NUP214: variants seen among roughly 807,000 people sequenced by gnomAD.
NUP214 encodes the protein nucleoporin 214.
NUP214 carries 79 observed loss-of-function variants against 196.2 expected under a neutral mutation model. That is an observed-to-expected ratio of 0.40 (90% confidence interval 0.34 to 0.49). NUP214 has a LOEUF of 0.49. NUP214 is among the 20% of genes least tolerant of loss of function. The pLI, the probability that NUP214 is intolerant of heterozygous loss-of-function variation, is 0.58. For synonymous variants in NUP214, 1,020 were observed against 990.5 expected, an observed-to-expected ratio of 1.03 and a Z score of -0.56; for missense variants, 2,468 against 2,539.0, an observed-to-expected ratio of 0.97 and a Z score of 0.60.
chr9:131,139,498 T>C, intron 10 of NUP214, 91 bp downstream of exon 10: 1 of 1,545,908 alleles, frequency 6.5e-7, no homozygotes, highest in South Asian at 1.2e-5. Context: ...TGACAGAGTC[T>C]ACTCTGCTGG....
chr9:131,187,489 T>A, intron 25 of NUP214, 125 bp downstream of exon 25: 2 of 665,076 alleles, frequency 3.0e-6, no homozygotes, highest in Non-Finnish European at 5.1e-6. Flanking sequence ...TGGGTTCAAG[T>A]GATTCTCGTG....
intron 24 of NUP214, among the ~76,000 whole-genome samples, chr9:131,185,426 C>T (rs996525918): frequency 6.6e-6 from 1 of 152,186 alleles, no homozygotes; most frequent in African/African-American, 2.4e-5. Context: ...TAGACTCACT[C>T]AGTAAAGAGA....
intron 30 of NUP214, among the ~76,000 whole-genome samples, chr9:131,207,362 G>A (rs1242802468): frequency 6.6e-6 from 1 of 152,230 alleles, no homozygotes; most frequent in African/African-American, 2.4e-5. Context: ...GAAGACTGGA[G>A]GCAGGAGTCA....
At chr9:131,140,305 T>C (rs547014462) in intron 10 of NUP214, among the ~76,000 whole-genome samples, 1 of 152,158 alleles carries the variant, frequency 6.6e-6, no homozygotes, top group African/African-American at 2.4e-5. Context: ...TCAGAGCTAC[T>C]GCGGGACTGA....
chr9:131,213,941 G>A (rs1450410807), intron 30 of NUP214, among the ~76,000 whole-genome samples: 3 of 152,192 alleles, frequency 2.0e-5, no homozygotes, highest in Admixed American at 6.5e-5. Flanking sequence ...TCAGAGCAGT[G>A]GAAAAGGGAC....
At position 131,129,143 on chromosome 9, in the gene NUP214, A is replaced by G. The variant is rs556986175; in HGVS notation, c.394-136A>G. ...AGCAAATAGATTGATGCATAAAACAATCTTTTTTTATGGTTATGGAGAAAA... is the reference window on the plus strand; with the variant it reads ...AGCAAATAGATTGATGCATAAAACAGTCTTTTTTTATGGTTATGGAGAAAA... On this transcript the variant is annotated intron_variant, in intron 3 of 35. Coordinates refer to ENST00000359428, the MANE Select transcript of NUP214 (RefSeq NM_005085.4). 1.5e-5 allele frequency: 11 copies of G among 754,870 alleles called. No individual in the cohort carries two copies. The East Asian group carries it at 2.2e-4, about 15-fold the overall frequency. 46.8% of individuals were successfully genotyped at this position (754,870 alleles called of 1,614,324 possible).
In NUP214 at chr9:131,197,990, C is replaced by T; in HGVS notation, c.4496C>T (p.Ser1499Leu). 2 of 1,614,226 alleles carry T rather than the reference C, an allele frequency of 1.2e-6. No individual in the cohort carries two copies. The highest frequency in any genetic ancestry group is 1.7e-6 in the Non-Finnish European group (2 of 1,180,038). ...AGAAGCACAGAAGAGGCCACTTCAT[C>T]AGCTTTGCCTGAGAAGCCAGGTGAC... ...AGRSTEEATS[S>L]ALPEKPGDSE... The change falls in exon 29 of 36, where the codon TCA becomes TTA. Residue 1499 changes from serine to leucine, a missense_variant. Physicochemically the swap from Ser to Leu is moderately radical, Grantham distance 145. This residue lies in a region of NUP214 where 1,801 missense variants were observed against 1,779.4 expected (regional missense o/e 1.01). Coordinates refer to ENST00000359428, the MANE Select transcript of NUP214 (RefSeq NM_005085.4).
chr9:131,173,967 T>C, intron 21 of NUP214, 88 bp from the exon 22 acceptor site: 1 of 329,188 alleles, frequency 3.0e-6, no homozygotes, highest in Non-Finnish European at 4.5e-6. Flanking sequence ...AAGTTGAGTA[T>C]TTTTTTTTTT....
intron 29 of NUP214, 84 bp from the exon 30 acceptor site, chr9:131,201,563 C>CAAAAA: frequency 4.3e-6 from 4 of 926,616 alleles, no homozygotes; most frequent in African/African-American, 1.8e-5. Context: ...GACTCTGCCT[C>CAAAAA]AAAAAAAAAA....
intron 24 of NUP214, among the ~76,000 whole-genome samples, chr9:131,185,736 C>G (rs1833433722): frequency 6.6e-6 from 1 of 152,138 alleles, no homozygotes; most frequent in African/African-American, 2.4e-5. Flanking sequence ...AATTGGTTTA[C>G]TGGCTGATTG....
At chr9:131,127,817 A>G (rs41313871) in intron 2 of NUP214, 98 bp downstream of exon 2, 20,861 of 870,682 alleles carry the variant, frequency 0.024, 335 homozygotes, top group South Asian at 0.029. Flanking sequence ...TAAAATGAAC[A>G]CTGCTGTCAG....
At chr9:131,215,897 A>ATT (rs768564629) in intron 31 of NUP214, among the ~76,000 whole-genome samples, 1,616 of 123,616 alleles carry the variant, frequency 0.013, 23 homozygotes, top group Non-Finnish European at 0.02. Flanking sequence ...TCTTTAGCTA[A>ATT]TTTTTTTTTT....
At chr9:131,224,156 A>G (rs1834661174) in intron 32 of NUP214, among the ~76,000 whole-genome samples, 1 of 152,190 alleles carries the variant, frequency 6.6e-6, no homozygotes, top group Non-Finnish European at 1.5e-5. Flanking sequence ...CATTACTAGG[A>G]CTACTTTTTA....
At chr9:131,211,673 C>A (rs1834244111) in intron 30 of NUP214, among the ~76,000 whole-genome samples, 1 of 152,206 alleles carries the variant, frequency 6.6e-6, no homozygotes, top group Non-Finnish European at 1.5e-5. Context: ...TTACTACAAT[C>A]TCTGAACATA....
At position 131,150,679 on chromosome 9, in the gene NUP214, G is replaced by T. The variant is rs144321623; in HGVS notation, c.2191G>T (p.Val731Leu). 12 of 1,614,208 alleles carry T rather than the reference G, an allele frequency of 7.4e-6. No homozygotes were observed. The highest frequency in any genetic ancestry group is 1.0e-5 in the Non-Finnish European group (12 of 1,180,042). The change falls in exon 16 of 36, where the codon GTG (valine) becomes TTG (leucine). Residue 731 changes from valine (V) to leucine (L), a missense_variant. By Grantham distance (32) the Val-to-Leu change is conservative. Around this residue, in one of 5 missense-constraint regions of NUP214, gnomAD observed 1,801 missense variants for 1,779.4 expected, o/e 1.01. Transcript: ENST00000359428. Reference protein sequence around the residue: ...KARTSKACFQVGTSEEMKMLR... With the variant: ...KARTSKACFQLGTSEEMKMLR... ...CCGAACTTCCAAAGCCTGTTTCCAA[G>T]TGGGCACTTCTGAGGAGATGAAGAT...
intron 27 of NUP214, among the ~76,000 whole-genome samples, chr9:131,194,957 C>T (rs1833733337): frequency 6.6e-6 from 1 of 152,204 alleles, no homozygotes; most frequent in Non-Finnish European, 1.5e-5. Context: ...CAAGAAGTCC[C>T]CACTCAAACT....
At chr9:131,223,730 T>TATTTTTTTA (rs71372705) in intron 32 of NUP214, among the ~76,000 whole-genome samples, 1 of 14,424 alleles carries the variant, frequency 6.9e-5, no homozygotes, top group African/African-American at 1.6e-4. Flanking sequence ...TTTATTTATT[T>TATTTTTTTA]TTTTTTTTTT....
chr9:131,233,732 A>G lies in NUP214; in HGVS notation c.*245A>G, dbSNP rs1834941224. ...ACGTATGTGGGTTTTTTCAGATCAC[A>G]GCCAAGAAGATTGCCCCGTTTCTGT... On this transcript the variant is annotated 3_prime_UTR_variant, in exon 36 of 36. Transcript: ENST00000359428. The G allele has an allele frequency of 5.7e-6, 3 of 526,154 alleles. No homozygotes were observed. The highest frequency in any genetic ancestry group is 3.5e-6 in the Non-Finnish European group (1 of 282,214). The allele number at this position is 526,154 out of a possible 1,614,324, so 32.6% of individuals were successfully genotyped here. A position where few individuals can be genotyped will look rare whatever the true frequency, so the allele number is the denominator to read the frequency against.
intron 25 of NUP214, among the ~76,000 whole-genome samples, chr9:131,187,981 A>G (rs1474982412): frequency 6.6e-6 from 1 of 152,176 alleles, no homozygotes. Context: ...ACATTATCTC[A>G]GTTAACCCAT....
Sources: allele counts gnomAD v4.1 joint callset (sites outside exome capture counted in the v4.1 genomes callset), GRCh38; gene constraint gnomAD v4.1.1; regional missense constraint gnomAD v4.1.1; transcripts MANE v1.5; gene names NCBI Gene and HGNC (gene_info 2026-07-23, HGNC 2026-07-21).